The following AKR1C8 variants were observed in gnomAD, a reference collection of about 807,000 sequenced individuals.
The protein encoded by AKR1C8 is aldo-keto reductase family 1 member C-like protein 1.
the AKR1C8 span, chr10:5,132,547 C>A: frequency 7.3e-7 from 1 of 1,369,420 alleles, no homozygotes; most frequent in African/African-American, 1.5e-5. Context: ...GAATTGTCAT[C>A]TCCACACTAT....
the AKR1C8 span, among the ~76,000 whole-genome samples, chr10:5,177,946 A>AT: frequency 2.0e-5 from 3 of 152,198 alleles, no homozygotes; most frequent in East Asian, 1.9e-4. Context: ...GGATTCATTA[A>AT]TTTTTTGAAG....
At chr10:5,128,125 T>G in the AKR1C8 span, among the ~76,000 whole-genome samples, 1 of 152,172 alleles carries the variant, frequency 6.6e-6, no homozygotes, top group Non-Finnish European at 1.5e-5. Context: ...AGGTCCTATC[T>G]TTAGCCTTCT....
chr10:5,152,844 A>C, the AKR1C8 span, among the ~76,000 whole-genome samples: 1 of 152,138 alleles, frequency 6.6e-6, no homozygotes, highest in Non-Finnish European at 1.5e-5. Context: ...CTTAGCCCCT[A>C]AAGCTGTGAT....
At chr10:5,180,175 T>C in the AKR1C8 span, among the ~76,000 whole-genome samples, 3 of 152,222 alleles carry the variant, frequency 2.0e-5, no homozygotes, top group Non-Finnish European at 4.4e-5. Context: ...TTTCTTTTTG[T>C]TAGTTTTCCT....
At chr10:5,120,231 T>C in the AKR1C8 span, among the ~76,000 whole-genome samples, 8 of 152,322 alleles carry the variant, frequency 5.3e-5, no homozygotes, top group East Asian at 9.6e-4. Context: ...CTATAATCTA[T>C]AGAAACAATG....
chr10:5,160,468 C>T, the AKR1C8 span, among the ~76,000 whole-genome samples: 174 of 152,222 alleles, frequency 1.1e-3, no homozygotes, highest in South Asian at 5.2e-3. Flanking sequence ...TGAGTCAGTC[C>T]GCAGCTGTCC....
At chr10:5,119,572 C>G in the AKR1C8 span, among the ~76,000 whole-genome samples, 2 of 152,132 alleles carry the variant, frequency 1.3e-5, no homozygotes, top group African/African-American at 4.8e-5. Context: ...TATTTATGCA[C>G]ACTTTTTAAT....
At chr10:5,135,785 A>AT in the AKR1C8 span, among the ~76,000 whole-genome samples, 20 of 152,292 alleles carry the variant, frequency 1.3e-4, no homozygotes, top group East Asian at 3.9e-3. Flanking sequence ...ACTAGTAAGC[A>AT]TTTTTTAACA....
the AKR1C8 span, among the ~76,000 whole-genome samples, chr10:5,182,832 C>G: frequency 1.3e-5 from 2 of 151,894 alleles, no homozygotes; most frequent in Admixed American, 1.3e-4. Context: ...ACTGCTTGAA[C>G]CCAGGAGGCG....
At chr10:5,118,422 G>A in the AKR1C8 span, among the ~76,000 whole-genome samples, 5 of 124,084 alleles carry the variant, frequency 4.0e-5, no homozygotes, top group South Asian at 9.1e-4. Flanking sequence ...TGTGAAATGG[G>A]AGTCTTATGA....
chr10:5,131,912 T>C, the AKR1C8 span, among the ~76,000 whole-genome samples: 1 of 152,094 alleles, frequency 6.6e-6, no homozygotes, highest in Non-Finnish European at 1.5e-5. Flanking sequence ...CAATTCACAA[T>C]TGCAAAAATA....
At chr10:5,148,611 C>T in the AKR1C8 span, among the ~76,000 whole-genome samples, 1 of 152,106 alleles carries the variant, frequency 6.6e-6, no homozygotes, top group African/African-American at 2.4e-5. Context: ...TATTAGTGCT[C>T]ACTGAATCTA....
chr10:5,166,940 A>C, the AKR1C8 span, among the ~76,000 whole-genome samples: 16 of 107,322 alleles, frequency 1.5e-4, 1 homozygote, highest in Admixed American at 1.3e-3. Flanking sequence ...ACAAATTTAC[A>C]AGAAAAAAAA....
At chr10:5,118,220 G>A in the AKR1C8 span, among the ~76,000 whole-genome samples, 1 of 152,080 alleles carries the variant, frequency 6.6e-6, no homozygotes, top group Non-Finnish European at 1.5e-5. Flanking sequence ...CAAAAGGGAA[G>A]TTAACCAAAA....
At chr10:5,158,146 T>C in the AKR1C8 span, among the ~76,000 whole-genome samples, 7 of 152,126 alleles carry the variant, frequency 4.6e-5, no homozygotes, top group African/African-American at 1.7e-4. Flanking sequence ...ATCTCTTTCA[T>C]AGGAAATTTT....
chr10:5,144,709 T>C, the AKR1C8 span, among the ~76,000 whole-genome samples: 1 of 152,158 alleles, frequency 6.6e-6, no homozygotes, highest in Non-Finnish European at 1.5e-5. Context: ...GTGATATTTG[T>C]ACATTGATTT....
At chr10:5,140,342 G>A in the AKR1C8 span, among the ~76,000 whole-genome samples, 1 of 152,110 alleles carries the variant, frequency 6.6e-6, no homozygotes, top group African/African-American at 2.4e-5. Flanking sequence ...AAAGACACAT[G>A]CACACATATG....
the AKR1C8 span, among the ~76,000 whole-genome samples, chr10:5,145,406 G>A: frequency 2.0e-5 from 3 of 152,114 alleles, no homozygotes; most frequent in East Asian, 3.9e-4. Context: ...AGAGTGAACA[G>A]GCAACCTACA....
the AKR1C8 span, among the ~76,000 whole-genome samples, chr10:5,131,152 C>T: frequency 4.6e-5 from 7 of 151,968 alleles, no homozygotes; most frequent in Admixed American, 3.3e-4. Flanking sequence ...AAACTGGATA[C>T]CATCTCTCCT....
Sources: allele counts gnomAD v4.1 joint callset (sites outside exome capture counted in the v4.1 genomes callset), GRCh38; gene constraint gnomAD v4.1.1; transcripts MANE v1.5; gene names NCBI Gene and HGNC (gene_info 2026-07-23, HGNC 2026-07-21).